RBPMS: variants seen among roughly 807,000 people sequenced by gnomAD.
The protein encoded by RBPMS is RNA binding protein, mRNA processing factor, also known as RNA-binding protein with multiple splicing.
RBPMS carries 7 observed loss-of-function variants against 26.8 expected under a neutral mutation model. The ratio of observed to expected loss-of-function variants is 0.26; its 90% confidence interval spans 0.15 to 0.49. The LOEUF (loss-of-function observed/expected upper bound fraction) is 0.49. Ranked by LOEUF, RBPMS falls within the 20% of genes least tolerant of loss-of-function variation. RBPMS has a pLI of 0.98. For missense variants in RBPMS, 186 were observed against 250.0 expected (o/e 0.74, Z 1.73); for synonymous variants, 96 against 93.3 (o/e 1.03, Z -0.17).
intron 4 of RBPMS, among the ~76,000 whole-genome samples, chr8:30,482,746 C>T (rs1048602799): frequency 6.6e-6 from 1 of 152,128 alleles, no homozygotes; most frequent in Non-Finnish European, 1.5e-5. Flanking sequence ...CATTAAAAAC[C>T]CCTCCTTTCT....
chr8:30,440,492 T>C (rs1433597654), intron 1 of RBPMS, among the ~76,000 whole-genome samples: 2 of 152,234 alleles, frequency 1.3e-5, no homozygotes, highest in Non-Finnish European at 2.9e-5. Context: ...TACTCAAAAT[T>C]CATCCATGTC....
At chr8:30,429,746 T>A (rs539896546) in intron 1 of RBPMS, among the ~76,000 whole-genome samples, 2 of 152,340 alleles carry the variant, frequency 1.3e-5, no homozygotes, top group African/African-American at 4.8e-5. Flanking sequence ...AATTGTGCTA[T>A]TATCTCCAGG....
intron 1 of RBPMS, among the ~76,000 whole-genome samples, chr8:30,388,290 T>C (rs1744213249): frequency 6.6e-6 from 1 of 151,874 alleles, no homozygotes; most frequent in Non-Finnish European, 1.5e-5. Flanking sequence ...AATCAAACTT[T>C]ATAAAAATTG....
At chr8:30,491,672 C>T (rs1819410884) in intron 4 of RBPMS, among the ~76,000 whole-genome samples, 1 of 151,960 alleles carries the variant, frequency 6.6e-6, no homozygotes, top group African/African-American at 2.4e-5. Context: ...TCTCCTCCTC[C>T]TACCTCTTTT....
chr8:30,566,857 G>A (rs890452725), intron 8 of RBPMS, among the ~76,000 whole-genome samples: 3 of 152,134 alleles, frequency 2.0e-5, no homozygotes, highest in African/African-American at 2.4e-5. Context: ...GAGCATGACT[G>A]AATCAGAATT....
intron 5 of RBPMS, among the ~76,000 whole-genome samples, chr8:30,517,432 A>G (rs567949978): frequency 6.6e-6 from 1 of 152,290 alleles, no homozygotes; most frequent in East Asian, 1.9e-4. Context: ...GAGCAGCAGT[A>G]TCTCTACTTA....
At chr8:30,411,486 G>A (rs1809388149) in intron 1 of RBPMS, among the ~76,000 whole-genome samples, 1 of 151,558 alleles carries the variant, frequency 6.6e-6, no homozygotes, top group Non-Finnish European at 1.5e-5. Flanking sequence ...GCAACATCTC[G>A]AAAACCCATC....
chr8:30,570,672 A>G lies in RBPMS; in HGVS notation c.*147A>G, dbSNP rs1828212266. The G allele has an allele frequency of 6.6e-6, 1 of 152,626 alleles. No homozygotes were observed. Among genetic ancestry groups the G allele is most frequent in the East Asian group, 1.9e-4 (1 of 5,198 alleles). The allele number at this position is 152,626 out of a possible 1,614,324, so 9.5% of individuals were successfully genotyped here. A position where few individuals can be genotyped will look rare whatever the true frequency, so the allele number is the denominator to read the frequency against. The stretch of plus-strand genomic sequence containing the variant: ...CCCTTGCCCAGTTTTGATCCCTTCA[A>G]GACTTTGTCACAGCCTCTATCACAC... On this transcript the variant is annotated 3_prime_UTR_variant, in exon 9 of 9. Transcript: ENST00000397323.
intron 1 of RBPMS, among the ~76,000 whole-genome samples, chr8:30,466,515 C>T (rs1201011813): frequency 1.3e-5 from 2 of 152,104 alleles, no homozygotes; most frequent in Non-Finnish European, 2.9e-5. Flanking sequence ...CGCTGCACTC[C>T]AGCCTGACCA....
At chr8:30,439,639 G>T (rs944542170) in intron 1 of RBPMS, among the ~76,000 whole-genome samples, 4 of 151,600 alleles carry the variant, frequency 2.6e-5, no homozygotes, top group Non-Finnish European at 4.4e-5. Flanking sequence ...CCCGTTTTTT[G>T]ACTTTTTTTT....
At position 30,540,692 on chromosome 8, in the gene RBPMS, G is replaced by A. The variant is rs115752626; in HGVS notation, c.398-3802G>A. On this transcript the variant is annotated intron_variant, in intron 5 of 8. Coordinates refer to ENST00000397323, the MANE Select transcript of RBPMS (RefSeq NM_001008710.3). ...CTTCCTCCTGCTTCTGCCTCCCAGAGCACTGGGATCACAGGTGTGAGCCAC... is the reference window on the plus strand; with the variant it reads ...CTTCCTCCTGCTTCTGCCTCCCAGAACACTGGGATCACAGGTGTGAGCCAC... 3.6e-3 allele frequency among the ~76,000 whole-genome samples: 551 copies of A among 152,324 alleles called. 3 individuals are homozygous for A. Among genetic ancestry groups the A allele is most frequent in the African/African-American group, 0.013 (520 of 41,584 alleles).
chr8:30,496,816 C>T (rs1314204007), intron 4 of RBPMS, among the ~76,000 whole-genome samples: 1 of 152,220 alleles, frequency 6.6e-6, no homozygotes. Flanking sequence ...GTGCTCTCCA[C>T]TGTAATAGAT....
chr8:30,489,592 G>A (rs938434339), intron 4 of RBPMS, among the ~76,000 whole-genome samples: 8 of 148,104 alleles, frequency 5.4e-5, no homozygotes, highest in African/African-American at 1.2e-4. Context: ...TTACAGGCGC[G>A]CGCCGCCACG....
chr8:30,532,164 G>T (rs907582322), intron 5 of RBPMS, among the ~76,000 whole-genome samples: 5 of 152,238 alleles, frequency 3.3e-5, no homozygotes, highest in African/African-American at 1.2e-4. Flanking sequence ...TAGTACAAAA[G>T]AGCTGAACAA....
At chr8:30,502,897 A>G (rs1318697008) in intron 4 of RBPMS, among the ~76,000 whole-genome samples, 1 of 152,162 alleles carries the variant, frequency 6.6e-6, no homozygotes, top group East Asian at 1.9e-4. Context: ...AATATCAGTT[A>G]AAGAAAATGT....
chr8:30,454,098 C>A (rs7820148), intron 1 of RBPMS, among the ~76,000 whole-genome samples: 100,942 of 152,004 alleles, frequency 0.66, 34,173 homozygotes, highest in Middle Eastern at 0.79. Flanking sequence ...TTTTTTTGAA[C>A]TCATATCATC....
intron 1 of RBPMS, among the ~76,000 whole-genome samples, chr8:30,470,913 C>T (rs1163800478): frequency 6.6e-6 from 1 of 152,128 alleles, no homozygotes; most frequent in Non-Finnish European, 1.5e-5. Flanking sequence ...CTTCGCTTTC[C>T]ATTATGGAAT....
intron 4 of RBPMS, among the ~76,000 whole-genome samples, chr8:30,498,201 A>G (rs1169615873): frequency 3.9e-5 from 6 of 152,000 alleles, no homozygotes; most frequent in Non-Finnish European, 8.8e-5. Flanking sequence ...TCTGATAGGA[A>G]GCTCTTAAAG....
At chr8:30,425,016 T>C (rs1811195711) in intron 1 of RBPMS, among the ~76,000 whole-genome samples, 1 of 151,076 alleles carries the variant, frequency 6.6e-6, no homozygotes, top group South Asian at 2.1e-4. Flanking sequence ...AGTGCAGTGG[T>C]ACAATTTCAG....
Sources: gnomAD v4.1 joint callset for allele counts (sites outside exome capture counted in the v4.1 genomes callset) on GRCh38, gnomAD v4.1.1 for gene constraint, MANE v1.5 for transcripts, NCBI Gene and HGNC (gene_info 2026-07-23, HGNC 2026-07-21) for gene names.